RAB11FIP3: variants seen among roughly 807,000 people sequenced by gnomAD.
RAB11FIP3 encodes rab11 family-interacting protein 3.
Under a neutral mutation model 77.8 loss-of-function variants are expected in RAB11FIP3, and 17 were observed. The observed-to-expected ratio is 0.22, with a 90% CI of 0.15 to 0.33. RAB11FIP3 has a LOEUF of 0.33. Ranked by LOEUF, RAB11FIP3 falls within the 10% of genes least tolerant of loss-of-function variation. RAB11FIP3 has a pLI of 1.00. For missense variants in RAB11FIP3, 1,005 were observed against 1,011.2 expected, an observed-to-expected ratio of 0.99 and a Z score of 0.08; for synonymous variants, 437 against 448.2, an observed-to-expected ratio of 0.98 and a Z score of 0.31.
intron 7 of RAB11FIP3, among the ~76,000 whole-genome samples, chr16:503,874 C>G (rs575215964): frequency 6.6e-6 from 1 of 151,578 alleles, no homozygotes; most frequent in African/African-American, 2.4e-5. Context: ...AGGGAGACTC[C>G]GTCTCACCTT....
At chr16:496,995 C>A in intron 6 of RAB11FIP3, 136 bp downstream of exon 6, 1 of 957,906 alleles carries the variant, frequency 1.0e-6, no homozygotes, top group Non-Finnish European at 1.5e-6. Context: ...TGGTTTGGGG[C>A]TGAAGGTATC....
At position 517,968 on chromosome 16, in the gene RAB11FIP3, G is replaced by A. The variant is rs376873290; in HGVS notation, c.1641-975G>A. Among the ~76,000 whole-genome samples, 335 of 152,334 alleles carry A rather than the reference G, an allele frequency of 2.2e-3. 3 individuals carry two copies. The highest frequency in any genetic ancestry group is 7.6e-3 in the African/African-American group (314 of 41,574). ...GTGGTGGCAGTCGCCTGTAGTCCCA[G>A]CTACTCGGGAGGCTGAGGCAGGAGA... On this transcript the variant is annotated intron_variant, in intron 9 of 13. Coordinates refer to ENST00000262305, the MANE Select transcript of RAB11FIP3 (RefSeq NM_014700.4).
chr16:510,473 G>C (rs1054046355), intron 8 of RAB11FIP3, 187 bp from the exon 9 acceptor site: 1 of 642,994 alleles, frequency 1.6e-6, no homozygotes, highest in Non-Finnish European at 2.6e-6. Context: ...TGTGGGAGGC[G>C]AGGCCATCTG....
At chr16:448,760 A>G (rs2055359443) in intron 1 of RAB11FIP3, among the ~76,000 whole-genome samples, 1 of 110,000 alleles carries the variant, frequency 9.1e-6, no homozygotes, top group Non-Finnish European at 2.0e-5. Flanking sequence ...AAAAAAAAAT[A>G]CAAAATTAGC....
At chr16:454,108 T>A (rs1427910699) in intron 1 of RAB11FIP3, among the ~76,000 whole-genome samples, 1 of 152,172 alleles carries the variant, frequency 6.6e-6, no homozygotes, top group Admixed American at 6.6e-5. Context: ...TTCCAGGTGG[T>A]TGAAGCATCC....
rs1274949552 is a variant in RAB11FIP3 at position 426,550 on chromosome 16, C to T, written c.544C>T (p.Pro182Ser). Residue 182 changes from proline to serine, a missense_variant, in exon 1 of 14, where the codon CCG (proline) becomes TCG (serine). Physicochemically the swap from Pro to Ser is moderately conservative, Grantham distance 74. Around this residue, in one of 4 missense-constraint regions of RAB11FIP3, gnomAD observed 466 missense variants for 408.3 expected, o/e 1.14. Transcript: ENST00000262305. This position sits in a 1 kb window ranked among gnomAD's most constrained non-coding sequence, Gnocchi z 5.0. Reference sequence around the variant, plus strand: ...GCTGGAGCAAGGTCCCGGGTCCCCGCCGCAGCCCTCGGACCTCAGCCAGAC... The same window carrying T: ...GCTGGAGCAAGGTCCCGGGTCCCCGTCGCAGCCCTCGGACCTCAGCCAGAC... ...LALEQGPGSP[P>S]QPSDLSQTHP... The T allele has an allele frequency of 1.3e-6, 2 of 1,580,468 alleles. No homozygotes were observed. Among genetic ancestry groups the T allele is most frequent in the Non-Finnish European group, 1.7e-6 (2 of 1,165,558 alleles).
At chr16:500,721 ATAAG>A (rs1567399617) in intron 6 of RAB11FIP3, among the ~76,000 whole-genome samples, 1 of 150,336 alleles carries the variant, frequency 6.7e-6, no homozygotes, top group African/African-American at 2.5e-5. Context: ...AAAAAATTAA[ATAAG>A]TAAATAAATA....
At chr16:509,819 C>T (rs963174257) in intron 8 of RAB11FIP3, among the ~76,000 whole-genome samples, 2 of 152,306 alleles carry the variant, frequency 1.3e-5, no homozygotes, top group African/African-American at 2.4e-5. Context: ...GAGCCAGACT[C>T]GTCCTGGCTC....
At chr16:478,027 C>T (rs536224050) in intron 3 of RAB11FIP3, among the ~76,000 whole-genome samples, 2 of 152,286 alleles carry the variant, frequency 1.3e-5, no homozygotes, top group Admixed American at 6.5e-5. Flanking sequence ...TGAGGTCACA[C>T]GGCTTTTAAT....
At chr16:520,317 A>C in intron 12 of RAB11FIP3, 40 bp downstream of exon 12, 1 of 1,550,446 alleles carries the variant, frequency 6.4e-7, no homozygotes. Flanking sequence ...ACTCCTGCAG[A>C]AGCTTCCACA....
intron 3 of RAB11FIP3, 126 bp from the exon 4 acceptor site, chr16:482,399 G>A (rs1408502363): frequency 1.2e-6 from 1 of 868,624 alleles, no homozygotes; most frequent in Non-Finnish European, 2.0e-6. Context: ...GAGACAGTTG[G>A]GACTTCAGGC....
At chr16:486,255 G>T (rs2056151538) in intron 4 of RAB11FIP3, among the ~76,000 whole-genome samples, 1 of 152,098 alleles carries the variant, frequency 6.6e-6, no homozygotes. Context: ...GCCCTTTGGG[G>T]GGCCGAGGCA....
intron 6 of RAB11FIP3, 30 bp downstream of exon 6, chr16:496,889 AC>A: frequency 6.5e-7 from 1 of 1,537,944 alleles, no homozygotes. Context: ...CTGCTGAAAA[AC>A]GTTCTGAAGT....
chr16:458,738 G>A (rs966923794), intron 1 of RAB11FIP3, among the ~76,000 whole-genome samples: 1 of 152,058 alleles, frequency 6.6e-6, no homozygotes, highest in Admixed American at 6.6e-5. Flanking sequence ...AGTCCAGCCC[G>A]CCACCCAAGA....
intron 3 of RAB11FIP3, among the ~76,000 whole-genome samples, chr16:478,452 A>G (rs2055967163): frequency 6.6e-6 from 1 of 151,814 alleles, no homozygotes; most frequent in Non-Finnish European, 1.5e-5. Flanking sequence ...CGGCCTTCCA[A>G]AGTGCTGGGA....
intron 3 of RAB11FIP3, among the ~76,000 whole-genome samples, chr16:476,439 G>C (rs2055909030): frequency 6.6e-6 from 1 of 152,190 alleles, no homozygotes; most frequent in Non-Finnish European, 1.5e-5. Context: ...AGGCCCCACT[G>C]CCCGGACCTC....
rs1336872578 is a variant in RAB11FIP3, at chr16:452,587, A to T, written c.715-8817A>T. Among the ~76,000 whole-genome samples the T allele has an allele frequency of 4.7e-5, 7 of 148,186 alleles. No individual in the cohort carries two copies. The East Asian group carries it at 1.3e-3, about 26-fold the overall frequency. ...GTAGTTGGGACTACAGGCGCCCGCC[A>T]CCACGCCCGGCTAATTTTTTGTATT... On this transcript the variant is annotated intron_variant, in intron 1 of 13. Transcript: ENST00000262305.
chr16:459,207 A>C (rs1187482776), intron 1 of RAB11FIP3, among the ~76,000 whole-genome samples: 1 of 149,832 alleles, frequency 6.7e-6, no homozygotes, highest in Non-Finnish European at 1.5e-5. Context: ...GCTCACTACA[A>C]CCTCCACCTC....
chr16:463,429 GGTTTTTTTTTT>G, intron 2 of RAB11FIP3, among the ~76,000 whole-genome samples: 1 of 131,220 alleles, frequency 7.6e-6, no homozygotes, highest in African/African-American at 2.9e-5. Context: ...GTTGTTCCCC[GGTTTTTTTTTT>G]TTTTTTTTTT....
Sources: gnomAD v4.1 joint callset for allele counts (sites outside exome capture counted in the v4.1 genomes callset) on GRCh38, gnomAD v4.1.1 for gene constraint, gnomAD v4.1.1 regional missense constraint, Gnocchi (gnomAD v3.1) non-coding constraint, MANE v1.5 for transcripts, NCBI Gene and HGNC (gene_info 2026-07-23, HGNC 2026-07-21) for gene names.